Variants in DHX35 observed in about 807,000 individuals in gnomAD.
The protein encoded by DHX35 is probable ATP-dependent RNA helicase DHX35.
A neutral mutation model predicts 99.6 loss-of-function variants in DHX35; 84 were observed. That is an observed-to-expected ratio of 0.84 (90% confidence interval 0.71 to 1.01). DHX35 has a LOEUF of 1.01. DHX35 is among the 50% of genes least tolerant of loss of function. The probability of loss-of-function intolerance (pLI) is 0.00; values close to 1 mark genes in which losing one functional copy is unlikely to be tolerated. For synonymous variants in DHX35, 331 were observed against 316.2 expected (o/e 1.05, Z -0.50); for missense variants, 852 against 888.5 (o/e 0.96, Z 0.52).
chr20:39,004,366 G>T (rs956279039), intron 11 of DHX35, among the ~76,000 whole-genome samples: 1 of 152,140 alleles, frequency 6.6e-6, no homozygotes, highest in East Asian at 1.9e-4. Context: ...TGCCCGGCCT[G>T]TTGTGAAGAT....
chr20:39,008,926 T>A (rs1392988600), intron 12 of DHX35, among the ~76,000 whole-genome samples: 7 of 152,254 alleles, frequency 4.6e-5, no homozygotes, highest in African/African-American at 1.7e-4. Context: ...CATTTCTCTT[T>A]GGGAGGACCA....
rs1048441064 is a variant in DHX35 at position 39,025,453 on chromosome 20, G to A, written c.1801+94G>A. The A allele has an allele frequency of 6.7e-5, 100 of 1,493,784 alleles. 1 individual carries two copies. The Admixed American group carries it at 1.9e-3, about 29-fold the overall frequency. The allele number at this position is 1,493,784 out of a possible 1,614,324, so 92.5% of individuals were successfully genotyped here. On this transcript the variant is annotated intron_variant, in intron 18 of 21. Transcript: ENST00000252011. ...TCATGCTGGGCTGGTGCGAGGCAGT[G>A]TGGCGTGCTCTGTACCAACACTGGG...
chr20:39,024,880 C>T (rs1474051090), intron 17 of DHX35, among the ~76,000 whole-genome samples: 1 of 152,180 alleles, frequency 6.6e-6, no homozygotes, highest in Non-Finnish European at 1.5e-5. Context: ...TAAAGTGATA[C>T]ATTCAAGCAT....
intron 19 of DHX35, chr20:39,029,622 C>T (rs45627732): frequency 0.071 from 10,614 of 150,086 alleles, 471 homozygotes; most frequent in Middle Eastern, 0.11. Flanking sequence ...GCGACCCCCA[C>T]GGTGGCCCGA....
intron 12 of DHX35, among the ~76,000 whole-genome samples, chr20:39,009,059 A>G (rs1360285679): frequency 6.6e-6 from 1 of 152,048 alleles, no homozygotes; most frequent in Non-Finnish European, 1.5e-5. Flanking sequence ...TTCTGGCCCC[A>G]TGCTTCACAC....
In DHX35 at chr20:38,972,545, T is replaced by C. The variant is rs2086018420; in HGVS notation, c.175-14T>C. ...AATGTATGGCTATTTGCAAGGTGTGTTATTCTTTTTCAGCTTAGGAATCAT... is the reference window on the plus strand; with the variant it reads ...AATGTATGGCTATTTGCAAGGTGTGCTATTCTTTTTCAGCTTAGGAATCAT... On this transcript the variant is annotated splice_polypyrimidine_tract_variant and intron_variant, in intron 2 of 21. Transcript: ENST00000252011. The C allele has an allele frequency of 6.5e-7, 1 of 1,542,590 alleles. No homozygotes were observed. The highest frequency in any genetic ancestry group is 9.0e-7 in the Non-Finnish European group (1 of 1,116,380).
chr20:39,025,381 T>G (rs3752301), intron 18 of DHX35, 22 bp downstream of exon 18: 288,694 of 1,609,990 alleles, frequency 0.18, 26,758 homozygotes, highest in Middle Eastern at 0.28. Context: ...CCGTCCCAGC[T>G]GGTGACCTCC....
intron 2 of DHX35, among the ~76,000 whole-genome samples, chr20:38,970,280 T>C (rs2085974736): frequency 6.6e-6 from 1 of 152,208 alleles, no homozygotes; most frequent in Non-Finnish European, 1.5e-5. Flanking sequence ...TCCTCTTCTA[T>C]TAATGTGTTC....
At chr20:38,990,190 A>T (rs1229630546) in intron 5 of DHX35, among the ~76,000 whole-genome samples, 2 of 152,230 alleles carry the variant, frequency 1.3e-5, no homozygotes, top group African/African-American at 4.8e-5. Flanking sequence ...CACAATTTCA[A>T]GGTGCTCAGT....
In DHX35 at chr20:38,962,414, C is replaced by T; in HGVS notation, c.40+7C>T. 2.5e-6 allele frequency: 4 copies of T among 1,612,440 alleles called. No homozygotes were observed. Among genetic ancestry groups the T allele is most frequent in the Non-Finnish European group, 3.4e-6 (4 of 1,179,168 alleles). On this transcript the variant is annotated splice_region_variant and intron_variant, in intron 1 of 21. Coordinates refer to ENST00000252011, the MANE Select transcript of DHX35 (RefSeq NM_021931.4). Reference sequence around the variant, plus strand: ...GTGAAGTTCTGGCGACCCGGTAAGGCCCTTGGTGGAACGCTGGGCAGATGC... The same window carrying T: ...GTGAAGTTCTGGCGACCCGGTAAGGTCCTTGGTGGAACGCTGGGCAGATGC...
At chr20:38,965,965 C>T (rs1187768481) in intron 1 of DHX35, among the ~76,000 whole-genome samples, 2 of 152,308 alleles carry the variant, frequency 1.3e-5, no homozygotes, top group East Asian at 3.9e-4. Context: ...AGATATAGCA[C>T]ACATACACAA....
At chr20:39,001,985 T>G in intron 9 of DHX35, 143 bp downstream of exon 9, 1 of 745,176 alleles carries the variant, frequency 1.3e-6, no homozygotes, top group Non-Finnish European at 2.3e-6. Flanking sequence ...AGAATGTTCT[T>G]ACCCTGCTCC....
At chr20:39,002,458 C>CACT (rs2145895961) in intron 9 of DHX35, among the ~76,000 whole-genome samples, 1 of 152,286 alleles carries the variant, frequency 6.6e-6, no homozygotes, top group East Asian at 1.9e-4. Flanking sequence ...TGGGCTTCAG[C>CACT]ACTGGGACCA....
chr20:38,977,483 A>T (rs1333023525), intron 3 of DHX35, among the ~76,000 whole-genome samples: 2 of 152,040 alleles, frequency 1.3e-5, no homozygotes, highest in African/African-American at 4.8e-5. Flanking sequence ...TATTTTACAT[A>T]TTTTTGTCTC....
At chr20:38,980,044 C>T (rs920782684) in intron 3 of DHX35, among the ~76,000 whole-genome samples, 1 of 152,172 alleles carries the variant, frequency 6.6e-6, no homozygotes, top group African/African-American at 2.4e-5. Flanking sequence ...CTCCGTGACT[C>T]TCCACTGCCT....
At chr20:39,002,626 A>G (rs1452743920) in intron 9 of DHX35, 146 bp from the exon 10 acceptor site, 11 of 580,632 alleles carry the variant, frequency 1.9e-5, no homozygotes, top group Non-Finnish European at 3.3e-5. Flanking sequence ...AAAAAAATGA[A>G]TATTTATTTT....
intron 13 of DHX35, among the ~76,000 whole-genome samples, chr20:39,010,698 C>T (rs1363703255): frequency 6.6e-6 from 1 of 152,180 alleles, no homozygotes; most frequent in Non-Finnish European, 1.5e-5. Flanking sequence ...GGAAGGGCCT[C>T]CCAGGTGAAA....
In DHX35 at chr20:39,001,844, T is replaced by TTC. The variant is rs2086525626; in HGVS notation, c.755+3_755+4insCT. ...GGTGGATATCTTTTATCTACAAAGG[T>TTC]TTGATGATGCTTGAATTCTGGATGA... On this transcript the variant is annotated splice_region_variant and intron_variant, in intron 9 of 21. Transcript: ENST00000252011. 1 of 1,600,508 alleles carries TTC rather than the reference T, an allele frequency of 6.2e-7. No individual in the cohort carries two copies. Among genetic ancestry groups the TTC allele is most frequent in the African/African-American group, 1.3e-5 (1 of 74,542 alleles).
chr20:38,967,005 A>G (rs913844999), intron 1 of DHX35, among the ~76,000 whole-genome samples: 1 of 152,164 alleles, frequency 6.6e-6, no homozygotes, highest in South Asian at 2.1e-4. Context: ...CAAAAGCAAC[A>G]TGACAGTGCC....
Sources: allele counts gnomAD v4.1 joint callset (sites outside exome capture counted in the v4.1 genomes callset), GRCh38; gene constraint gnomAD v4.1.1; transcripts MANE v1.5; gene names NCBI Gene and HGNC (gene_info 2026-07-23, HGNC 2026-07-21).